Variants in GDA observed in about 807,000 individuals in gnomAD.
The protein encoded by GDA is guanine deaminase, also known as cytoplasmic PSD-95 interactor.
In GDA, 18 loss-of-function variants were observed where a neutral mutation model predicts 59.6. The ratio of observed to expected loss-of-function variants is 0.30; its 90% CI spans 0.21 to 0.45. The LOEUF is 0.45. GDA is among the 20% of genes least tolerant of loss of function. The probability of loss-of-function intolerance (pLI) is 1.00; values close to 1 mark genes in which losing one functional copy is unlikely to be tolerated. For missense variants in GDA, 427 were observed against 552.3 expected, an observed-to-expected ratio of 0.77 and a Z score of 2.27; for synonymous variants, 201 against 201.1, an observed-to-expected ratio of 1.00 and a Z score of 0.00.
At position 72,251,864 on chromosome 9, in the gene GDA, A is replaced by C. The variant is rs1421594610; in HGVS notation, c.*3522A>C. ...GGAGTTACTTTGTGGATCTTGTCCAAATTTAGTGAAATGTGGAAGTCAACC... is the reference window on the plus strand; with the variant it reads ...GGAGTTACTTTGTGGATCTTGTCCACATTTAGTGAAATGTGGAAGTCAACC... On this transcript the variant is annotated 3_prime_UTR_variant, in exon 14 of 14. Coordinates refer to ENST00000358399, the MANE Select transcript of GDA (RefSeq NM_004293.5). 1 of 152,068 alleles carries C rather than the reference A, an allele frequency of 6.6e-6. No individual in the cohort carries two copies. The highest frequency in any genetic ancestry group is 1.5e-5 in the Non-Finnish European group (1 of 68,000). 9.4% of individuals were successfully genotyped at this position (152,068 alleles called of 1,614,324 possible).
chr9:72,252,045 T>G lies in GDA; in HGVS notation c.*3703T>G, dbSNP rs186896529. ...CCCAAAAGCCTGTCAGAAAGCATTC[T>G]TTAGAGAAAACCACTTTACATTTGT... On this transcript the variant is annotated 3_prime_UTR_variant, in exon 14 of 14. Transcript: ENST00000358399. 229 of 152,744 alleles carry G rather than the reference T, an allele frequency of 1.5e-3. 1 individual carries two copies. Among genetic ancestry groups the G allele is most frequent in the Non-Finnish European group, 2.3e-3 (155 of 68,028 alleles). 9.5% of individuals were successfully genotyped at this position (152,744 alleles called of 1,614,324 possible).
chr9:72,198,303 G>C (rs909537524), intron 2 of GDA, among the ~76,000 whole-genome samples: 2 of 152,034 alleles, frequency 1.3e-5, no homozygotes, highest in African/African-American at 4.8e-5. Flanking sequence ...ACTTTGGGAG[G>C]CCGAGGCAGG....
At chr9:72,206,642 G>C (rs1429857952) in intron 3 of GDA, among the ~76,000 whole-genome samples, 1 of 151,880 alleles carries the variant, frequency 6.6e-6, no homozygotes, top group East Asian at 1.9e-4. Context: ...GCATGGTGGC[G>C]GGTGCCTGTA....
intron 1 of GDA, among the ~76,000 whole-genome samples, chr9:72,156,246 C>T (rs1194895246): frequency 6.6e-6 from 1 of 152,170 alleles, no homozygotes; most frequent in Non-Finnish European, 1.5e-5. Flanking sequence ...AGGACTGGAA[C>T]ATGCAAAAGA....
At chr9:72,258,449 C>A (rs111788817), downstream of GDA, among the ~76,000 whole-genome samples, 517 of 152,234 alleles carry the variant, frequency 3.4e-3, 3 homozygotes, top group Non-Finnish European at 5.5e-3. Flanking sequence ...TGCAGGGCAC[C>A]CTTGGGAGCC....
At chr9:72,145,210 G>C (rs1004008023), upstream of GDA, among the ~76,000 whole-genome samples, 1 of 152,134 alleles carries the variant, frequency 6.6e-6, no homozygotes, top group Non-Finnish European at 1.5e-5. Flanking sequence ...CTAGATCTGA[G>C]TGTCACCAGC....
chr9:72,208,313 G>A (rs892993218), intron 3 of GDA, among the ~76,000 whole-genome samples: 1 of 152,166 alleles, frequency 6.6e-6, no homozygotes, highest in African/African-American at 2.4e-5. Flanking sequence ...CCTTCTCAAG[G>A]TCACGTAGCT....
At chr9:72,201,029 A>G (rs1377268160) in intron 2 of GDA, among the ~76,000 whole-genome samples, 1 of 152,024 alleles carries the variant, frequency 6.6e-6, no homozygotes, top group Non-Finnish European at 1.5e-5. Flanking sequence ...ATACTTACTA[A>G]GTTTCTTGTG....
chr9:72,246,084 G>C lies in GDA; in HGVS notation c.1266+806G>C, dbSNP rs115084180. 6.7e-3 allele frequency among the ~76,000 whole-genome samples: 1,026 copies of C among 152,238 alleles called. 14 individuals are homozygous for C. Among genetic ancestry groups the C allele is most frequent in the African/African-American group, 0.024 (978 of 41,548 alleles). ...AATATATTTTTCTCTACCCATCTTA[G>C]GGTCAAGGCTGAGGTCACTATAACA... On this transcript the variant is annotated intron_variant, in intron 12 of 13. Coordinates refer to ENST00000358399, the MANE Select transcript of GDA (RefSeq NM_004293.5).
intron 6 of GDA, among the ~76,000 whole-genome samples, chr9:72,220,369 G>A (rs563885729): frequency 5.1e-4 from 77 of 152,126 alleles, no homozygotes; most frequent in African/African-American, 8.7e-4. Context: ...TTTAGATATC[G>A]TTCACATATG....
intron 1 of GDA, among the ~76,000 whole-genome samples, chr9:72,161,670 C>T (rs1362061229): frequency 6.6e-6 from 1 of 152,128 alleles, no homozygotes; most frequent in Non-Finnish European, 1.5e-5. Flanking sequence ...TAAGTGTTTG[C>T]TTTTTCATAA....
rs1218802557 is a variant in GDA, at chr9:72,249,664, A to G, written c.*1322A>G. ...ATCTTTAAGTATTGGTGTGAATGTT[A>G]TTTAAATTCTATATTTTTCTTATTT... On this transcript the variant is annotated 3_prime_UTR_variant, in exon 14 of 14. Coordinates refer to ENST00000358399, the MANE Select transcript of GDA (RefSeq NM_004293.5). 7.8e-6 allele frequency: 5 copies of G among 642,328 alleles called. No individual in the cohort carries two copies. Among genetic ancestry groups the G allele is most frequent in the African/African-American group, 2.0e-5 (1 of 50,794 alleles). The allele number at this position is 642,328 out of a possible 1,614,324, so 39.8% of individuals were successfully genotyped here.
intron 1 of GDA, among the ~76,000 whole-genome samples, chr9:72,132,711 G>T (rs1031079224): frequency 3.4e-4 from 51 of 152,164 alleles, no homozygotes; most frequent in African/African-American, 1.2e-3. Context: ...GACTATTGAG[G>T]TTTTACTGGA....
intron 8 of GDA, 79 bp from the exon 9 acceptor site, chr9:72,227,864 C>T (rs940228710): frequency 5.4e-5 from 41 of 758,842 alleles, no homozygotes; most frequent in Non-Finnish European, 2.3e-6. Context: ...TTCGGTCTCT[C>T]TCTAAAATAC....
intron 5 of GDA, among the ~76,000 whole-genome samples, chr9:72,215,036 A>G (rs1177162342): frequency 6.6e-6 from 1 of 152,130 alleles, no homozygotes; most frequent in African/African-American, 2.4e-5. Flanking sequence ...GCCCGGCTCA[A>G]AGTTCTTTCT....
At chr9:72,219,415 A>G in intron 5 of GDA, 64 bp from the exon 6 acceptor site, 1 of 1,205,720 alleles carries the variant, frequency 8.3e-7, no homozygotes, top group Non-Finnish European at 1.2e-6. Flanking sequence ...GAAAAAAATA[A>G]TAATAAAGAA....
At chr9:72,205,408 A>C (rs1168658345) in intron 3 of GDA, among the ~76,000 whole-genome samples, 2 of 152,042 alleles carry the variant, frequency 1.3e-5, no homozygotes, top group African/African-American at 4.8e-5. Context: ...TGAACTTTCT[A>C]GTGTTTTCAG....
At chr9:72,175,418 G>C (rs143566262) in intron 1 of GDA, among the ~76,000 whole-genome samples, 6 of 152,274 alleles carry the variant, frequency 3.9e-5, no homozygotes, top group African/African-American at 1.4e-4. Context: ...TCATTCTCTG[G>C]AACGGAACCC....
At chr9:72,185,484 G>A (rs1226298253) in intron 1 of GDA, among the ~76,000 whole-genome samples, 1 of 152,056 alleles carries the variant, frequency 6.6e-6, no homozygotes, top group Non-Finnish European at 1.5e-5. Context: ...TTATTTTAAG[G>A]CAATCTCACT....
Sources: allele counts gnomAD v4.1 joint callset (sites outside exome capture counted in the v4.1 genomes callset), GRCh38; gene constraint gnomAD v4.1.1; transcripts MANE v1.5; gene names NCBI Gene and HGNC (gene_info 2026-07-23, HGNC 2026-07-21).